RASGRF1: variants seen among roughly 807,000 people sequenced by gnomAD.
RASGRF1 encodes the protein Ras protein specific guanine nucleotide releasing factor 1, also known as ras-specific guanine nucleotide-releasing factor 1.
RASGRF1 carries 40 observed loss-of-function variants against 138.7 expected under a neutral mutation model. The ratio of observed to expected loss-of-function variants is 0.29; its 90% CI spans 0.22 to 0.38. RASGRF1 has a LOEUF of 0.38. RASGRF1 is among the 10% of genes least tolerant of loss of function. The probability of loss-of-function intolerance (pLI) is 1.00; values close to 1 mark genes in which losing one functional copy is unlikely to be tolerated. For synonymous variants in RASGRF1, 614 were observed against 663.2 expected (o/e 0.93, Z 1.14); for missense variants, 1,108 against 1,650.4 (o/e 0.67, Z 5.69).
At chr15:79,017,685 A>G (rs2056899179) in intron 12 of RASGRF1, 85 bp downstream of exon 12, 1 of 1,343,156 alleles carries the variant, frequency 7.4e-7, no homozygotes, top group Non-Finnish European at 1.0e-6. Flanking sequence ...CACCACCCCC[A>G]CCCCCTACCT....
chr15:78,962,858 G>C (rs1412910160), intron 26 of RASGRF1, among the ~76,000 whole-genome samples: 1 of 152,118 alleles, frequency 6.6e-6, no homozygotes, highest in Admixed American at 6.6e-5. Context: ...ACCCCAGCTT[G>C]GGTACAGACC....
intron 13 of RASGRF1, chr15:79,012,404 C>CT (rs764239348): frequency 4.1e-6 from 4 of 972,618 alleles, no homozygotes; most frequent in Non-Finnish European, 6.5e-6. Flanking sequence ...CATTTTACAG[C>CT]ATGCACTACA....
intron 4 of RASGRF1, 42 bp from the exon 5 acceptor site, chr15:79,047,041 T>TC (rs751783008): frequency 6.3e-7 from 1 of 1,590,432 alleles, no homozygotes; most frequent in Non-Finnish European, 8.6e-7. Flanking sequence ...TGTCAGGGAG[T>TC]CTGGACCACT....
Position 79,062,126 on chromosome 15 carries a change from T to C in RASGRF1, c.383+2294A>G, listed in dbSNP as rs2057615327. On this transcript the variant is annotated intron_variant, in intron 2 of 26. Transcript: ENST00000558480. ...TATAAGTATTGGTATTTCATTACCT[T>C]TATAAACTTTTTGTATTGATTGAGA... Among the ~76,000 whole-genome samples the C allele has an allele frequency of 5.9e-5, 9 of 152,234 alleles. 1 individual carries two copies. The South Asian group carries it at 1.9e-3, about 31-fold the overall frequency.
rs759339731 is a variant in RASGRF1 at position 79,090,376 on chromosome 15, G to C, written c.123C>G (p.Thr41=). ...GGTTCTGCAGCAGCGCGAACCACTT[G>C]GTTTGCCATTTTGTGTTGTCCGAAC... ...KRSSDNTKWQ[T]KWFALLQNLL... is the part of the protein sequence containing the mutation. Residue 41 remains threonine (T), a synonymous_variant, in exon 1 of 27, where the codon ACC becomes ACG. Transcript: ENST00000558480. 1.2e-6 allele frequency: 2 copies of C among 1,613,808 alleles called. No homozygotes were observed. The highest frequency in any genetic ancestry group is 3.3e-5 in the Admixed American group (2 of 60,030).
chr15:78,978,109 T>C (rs7173329), intron 24 of RASGRF1, among the ~76,000 whole-genome samples: 52,443 of 151,590 alleles, frequency 0.35, 9,772 homozygotes, highest in African/African-American at 0.5. Flanking sequence ...GAGTGGCTAG[T>C]GGGGTGTTTG....
In RASGRF1 at chr15:79,057,839, C is replaced by T. The variant is rs2057531189; in HGVS notation, c.531+495G>A. On this transcript the variant is annotated intron_variant, in intron 3 of 26. Coordinates refer to ENST00000558480, the MANE Select transcript of RASGRF1 (RefSeq NM_001145648.3). ...CGCCTCCAGAATGCTGGCTGGTGGGCCGCTGCAGGAGCTTTCATCAAGATG... is the reference window on the plus strand; with the variant it reads ...CGCCTCCAGAATGCTGGCTGGTGGGTCGCTGCAGGAGCTTTCATCAAGATG... Among the ~76,000 whole-genome samples the T allele has an allele frequency of 3.3e-5, 5 of 152,304 alleles. 1 individual carries two copies. The South Asian group carries it at 1.0e-3, about 32-fold the overall frequency.
At chr15:79,008,258 C>G (rs954391106) in intron 13 of RASGRF1, among the ~76,000 whole-genome samples, 2 of 152,180 alleles carry the variant, frequency 1.3e-5, no homozygotes, top group African/African-American at 4.8e-5. Flanking sequence ...TCTTTGGAAG[C>G]ATTCTTGGGA....
chr15:79,031,574 CA>C (rs1216661479), intron 7 of RASGRF1, 65 bp from the exon 8 acceptor site: 3 of 847,348 alleles, frequency 3.5e-6, no homozygotes, highest in Non-Finnish European at 5.3e-6. Context: ...GGGAGCAAGG[CA>C]GGGGCAGACA....
Position 79,066,933 on chromosome 15 carries a change from A to G in RASGRF1, c.277-2407T>C, listed in dbSNP as rs546579398. The stretch of plus-strand genomic sequence containing the variant: ...CCTTCCTGTCACTCCAATAGTTGCC[A>G]GTTCATCTGCCCGTCTACTCCATCT... On this transcript the variant is annotated intron_variant, in intron 1 of 26. Transcript: ENST00000558480. 2.0e-5 allele frequency among the ~76,000 whole-genome samples: 3 copies of G among 152,210 alleles called. No individual in the cohort carries two copies. In the East Asian group the frequency reaches 5.8e-4, roughly 29 times the overall value.
rs71148587 is a variant in RASGRF1 at position 79,039,296 on chromosome 15, CAAAAAAAA to C, written c.879-4094_879-4087del. 2.9e-3 allele frequency among the ~76,000 whole-genome samples: 145 copies of C among 50,418 alleles called. 1 individual carries two copies. Among genetic ancestry groups the C allele is most frequent in the Middle Eastern group, 0.016 (1 of 64 alleles). 33.1% of individuals were successfully genotyped at this position (50,418 alleles called of 152,430 possible). On this transcript the variant is annotated intron_variant, in intron 5 of 26. Transcript: ENST00000558480. ...TGGGCAACAGAGTGAGACCCTGTCTCAAAAAAAAAAAAAAAAAAAAAAAAAAGAAAAAT... is the reference window on the plus strand; with the variant it reads ...TGGGCAACAGAGTGAGACCCTGTCTCAAAAAAAAAAAAAAAAAAGAAAAAT...
In RASGRF1 at chr15:78,985,213, C is replaced by T. The variant is rs772432320; in HGVS notation, c.3217-9G>A. On this transcript the variant is annotated splice_polypyrimidine_tract_variant and intron_variant, in intron 22 of 26. Coordinates refer to ENST00000558480, the MANE Select transcript of RASGRF1 (RefSeq NM_001145648.3). ...GCAATCAAGTTACTGATCTTTAAGC[C>T]GATGCAATAAGACAGGGAAAAAGAG... is the stretch of plus-strand genomic sequence containing the variant. 4 of 1,579,884 alleles carry T rather than the reference C, an allele frequency of 2.5e-6. No individual in the cohort carries two copies. Among genetic ancestry groups the T allele is most frequent in the Non-Finnish European group, 3.5e-6 (4 of 1,149,770 alleles).
rs145899540 is a variant in RASGRF1 at position 79,086,266 on chromosome 15, T to G, written c.276+3957A>C. On this transcript the variant is annotated intron_variant, in intron 1 of 26. Coordinates refer to ENST00000558480, the MANE Select transcript of RASGRF1 (RefSeq NM_001145648.3). ...TTATTTTTCTACATTCAGCTTTTCATTTTTCTGATTGGCTGAGAGGTTGAA... is the reference window on the plus strand; with the variant it reads ...TTATTTTTCTACATTCAGCTTTTCAGTTTTCTGATTGGCTGAGAGGTTGAA... Among the ~76,000 whole-genome samples, 42 of 152,306 alleles carry G rather than the reference T, an allele frequency of 2.8e-4. 1 individual carries two copies. Among genetic ancestry groups the G allele is most frequent in the Middle Eastern group, 6.8e-3 (2 of 294 alleles).
chr15:78,988,781 C>T (rs1766767626), intron 22 of RASGRF1, among the ~76,000 whole-genome samples: 1 of 151,048 alleles, frequency 6.6e-6, no homozygotes. Flanking sequence ...GGAGTGGACC[C>T]GGCTCTGTGG....
chr15:78,979,348 TCAAG>T, intron 24 of RASGRF1: 2 of 451,798 alleles, frequency 4.4e-6, no homozygotes, highest in Non-Finnish European at 7.0e-6. Context: ...AAAGCCACTG[TCAAG>T]GGCTGGAGGT....
intron 10 of RASGRF1, among the ~76,000 whole-genome samples, chr15:79,024,095 A>G (rs561003590): frequency 8.4e-4 from 128 of 151,602 alleles, no homozygotes; most frequent in African/African-American, 3.0e-3. Context: ...CATACATCAC[A>G]CATACATACA....
rs868393463 is a variant in RASGRF1 at position 78,985,138 on chromosome 15, C to T, written c.3283G>A (p.Glu1095Lys). The T allele has an allele frequency of 6.2e-7, 1 of 1,613,390 alleles. No individual in the cohort carries two copies. The highest frequency in any genetic ancestry group is 8.5e-7 in the Non-Finnish European group (1 of 1,179,300). Reference protein sequence around the residue: ...EDINARVSAIEKWVAVADICR... With the variant: ...EDINARVSAIKKWVAVADICR... ...ATGTCAGCTACGGCCACCCACTTCTCGATGGCGCTCACCCTGGCGTTGATG... is the reference window on the plus strand; with the variant it reads ...ATGTCAGCTACGGCCACCCACTTCTTGATGGCGCTCACCCTGGCGTTGATG... The change falls in exon 23 of 27, where the codon GAG (glutamate) becomes AAG (lysine). Residue 1095 changes from glutamate to lysine, a missense_variant. Glu to Lys is a moderately conservative substitution (Grantham distance 56). Transcript: ENST00000558480.
intron 1 of RASGRF1, among the ~76,000 whole-genome samples, chr15:79,067,345 C>T (rs116110129): frequency 0.02 from 3,011 of 152,256 alleles, 95 homozygotes; most frequent in African/African-American, 0.067. Flanking sequence ...AGGCATGGTA[C>T]TAGGTTCTTT....
At chr15:78,998,666 G>A in intron 18 of RASGRF1, 53 bp downstream of exon 18, 2 of 1,452,432 alleles carry the variant, frequency 1.4e-6, no homozygotes, top group Non-Finnish European at 9.7e-7. Context: ...CTGGTTCCTG[G>A]GGCCATTGCC....
Sources: allele counts gnomAD v4.1 joint callset (sites outside exome capture counted in the v4.1 genomes callset), GRCh38; gene constraint gnomAD v4.1.1; transcripts MANE v1.5; gene names NCBI Gene and HGNC (gene_info 2026-07-23, HGNC 2026-07-21).